Variants in ZKSCAN1 observed in about 807,000 individuals in gnomAD.
The protein encoded by ZKSCAN1 is zinc finger protein with KRAB and SCAN domains 1.
In ZKSCAN1, 14 loss-of-function variants were observed where a neutral mutation model predicts 51.6. That is an observed-to-expected ratio of 0.27 (90% confidence interval 0.18 to 0.42). The LOEUF (loss-of-function observed/expected upper bound fraction) is 0.42. Ranked by LOEUF, ZKSCAN1 falls within the 10% of genes least tolerant of loss-of-function variation. The probability of loss-of-function intolerance (pLI) is 1.00; values close to 1 mark genes in which losing one functional copy is unlikely to be tolerated. For synonymous variants in ZKSCAN1, 263 were observed against 261.5 expected (o/e 1.01, Z -0.06); for missense variants, 531 against 710.0 (o/e 0.75, Z 2.86).
intron 4 of ZKSCAN1, 36 bp downstream of exon 4, chr7:100,029,988 G>A: frequency 3.1e-6 from 5 of 1,606,380 alleles, no homozygotes; most frequent in Non-Finnish European, 4.3e-6. Flanking sequence ...TGAGTCCTCA[G>A]TGTCTGCCTC....
At chr7:100,028,628 A>G (rs977312546) in intron 3 of ZKSCAN1, among the ~76,000 whole-genome samples, 7 of 152,152 alleles carry the variant, frequency 4.6e-5, no homozygotes, top group Non-Finnish European at 8.8e-5. Flanking sequence ...TCCAAATCTA[A>G]TAGTACTTGG....
intron 1 of ZKSCAN1, among the ~76,000 whole-genome samples, chr7:100,018,953 G>A (rs540992476): frequency 2.5e-4 from 38 of 152,282 alleles, no homozygotes; most frequent in African/African-American, 5.8e-4. Flanking sequence ...TCGCATCTTC[G>A]CACTGACCCA....
At chr7:100,016,054 C>G (rs1241778336) in intron 1 of ZKSCAN1, among the ~76,000 whole-genome samples, 2 of 152,178 alleles carry the variant, frequency 1.3e-5, no homozygotes, top group Admixed American at 1.3e-4. Flanking sequence ...CAAACGGGGT[C>G]GCGAGCGAAC....
chr7:100,029,962 G>A lies in ZKSCAN1; in HGVS notation c.672+10G>A, dbSNP rs779710542. On this transcript the variant is annotated intron_variant, in intron 4 of 5. Coordinates refer to ENST00000324306, the MANE Select transcript of ZKSCAN1 (RefSeq NM_003439.4). ...CACAGCGGATTCCCAGGTGAGCTGT[G>A]GCCCCTCTGCTCTCCTGAGTCCTCA... The A allele has an allele frequency of 3.7e-6, 6 of 1,613,930 alleles. No individual in the cohort carries two copies. Among genetic ancestry groups the A allele is most frequent in the South Asian group, 1.1e-5 (1 of 91,068 alleles).
Position 100,040,001 on chromosome 7 carries a change from G to C in ZKSCAN1, c.*5804G>C. On this transcript the variant is annotated 3_prime_UTR_variant, in exon 6 of 6. Coordinates refer to ENST00000324306, the MANE Select transcript of ZKSCAN1 (RefSeq NM_003439.4). ...TAGATTTAGGGTTTTTTTTTTTAGA[G>C]TGGACACACTACATTTAAAAGCAAT... 1.1e-6 allele frequency: 1 copy of C among 888,578 alleles called. No homozygotes were observed. Among genetic ancestry groups the C allele is most frequent in the Non-Finnish European group, 1.3e-6 (1 of 742,828 alleles). The allele number at this position is 888,578 out of a possible 1,614,324, so 55.0% of individuals were successfully genotyped here.
chr7:100,044,388 C>T (rs1296338833), downstream of ZKSCAN1, among the ~76,000 whole-genome samples: 2 of 151,992 alleles, frequency 1.3e-5, no homozygotes, highest in Non-Finnish European at 2.9e-5. Flanking sequence ...TAGCACTGAG[C>T]CGGGCATGGT....
Position 100,020,734 on chromosome 7 carries a change from G to A in ZKSCAN1, c.-88-2685G>A, listed in dbSNP as rs1370549527. Among the ~76,000 whole-genome samples, 5 of 152,266 alleles carry A rather than the reference G, an allele frequency of 3.3e-5. No individual in the cohort carries two copies. In the East Asian group the frequency reaches 9.6e-4, roughly 29 times the overall value. ...CACCAAAATTAAGAATATGTTTAGT[G>A]AGAGCCATAAAACTAAAAATGCTTT... On this transcript the variant is annotated intron_variant, in intron 1 of 5. Transcript: ENST00000324306.
Position 100,037,180 on chromosome 7 carries a change from C to G in ZKSCAN1, c.*2983C>G. ...ACATCTAATTGGCGTTCAAGATAGT[C>G]ATTCAAAAGTTCTTGGCCCGCTGAA... On this transcript the variant is annotated 3_prime_UTR_variant, in exon 6 of 6. Coordinates refer to ENST00000324306, the MANE Select transcript of ZKSCAN1 (RefSeq NM_003439.4). 1.0e-6 allele frequency: 1 copy of G among 985,452 alleles called. No individual in the cohort carries two copies. Among genetic ancestry groups the G allele is most frequent in the Non-Finnish European group, 1.2e-6 (1 of 829,936 alleles). The allele number at this position is 985,452 out of a possible 1,614,324, so 61.0% of individuals were successfully genotyped here.
chr7:100,024,578 C>G, intron 3 of ZKSCAN1: 1 of 375,676 alleles, frequency 2.7e-6, no homozygotes, highest in Non-Finnish European at 4.9e-6. Context: ...GGCAACACAG[C>G]AAGGACCCTG....
chr7:100,024,926 A>G (rs1790757662), intron 3 of ZKSCAN1: 1 of 137,318 alleles, frequency 7.3e-6, no homozygotes, highest in Non-Finnish European at 1.6e-5. Flanking sequence ...AAAAGAATTA[A>G]TTAAAAATTT....
At chr7:100,027,503 C>T (rs190426408) in intron 3 of ZKSCAN1, among the ~76,000 whole-genome samples, 61 of 151,628 alleles carry the variant, frequency 4.0e-4, no homozygotes, top group Non-Finnish European at 4.9e-4. Flanking sequence ...GTAATTCCAG[C>T]ACTTTGGGAA....
Position 100,034,343 on chromosome 7 carries a change from GTGTT to G in ZKSCAN1, c.*147_*150del. The G allele has an allele frequency of 7.0e-7, 1 of 1,428,836 alleles. No homozygotes were observed. The highest frequency in any genetic ancestry group is 9.1e-7 in the Non-Finnish European group (1 of 1,100,556). 88.5% of individuals were successfully genotyped at this position (1,428,836 alleles called of 1,614,324 possible). A position where few individuals can be genotyped will look rare whatever the true frequency, so the allele number is the denominator to read the frequency against. ...AAGGATCCTTCTAGTCACATCAGCAGTGTTCTGCCTTTATGTAGTAGTTGGGCAT... is the reference window on the plus strand; with the variant it reads ...AAGGATCCTTCTAGTCACATCAGCAGCTGCCTTTATGTAGTAGTTGGGCAT... On this transcript the variant is annotated 3_prime_UTR_variant, in exon 6 of 6. Coordinates refer to ENST00000324306, the MANE Select transcript of ZKSCAN1 (RefSeq NM_003439.4).
In ZKSCAN1 at chr7:100,040,401, T is replaced by A. The variant is rs922041756; in HGVS notation, c.*6204T>A. On this transcript the variant is annotated 3_prime_UTR_variant, in exon 6 of 6. Transcript: ENST00000324306. ...TTAATTCAAATTGCACAGTAATCAGTAAAGTGAATACGTTTTTAAAATGGA... is the reference window on the plus strand; with the variant it reads ...TTAATTCAAATTGCACAGTAATCAGAAAAGTGAATACGTTTTTAAAATGGA... 8.5e-5 allele frequency: 84 copies of A among 985,328 alleles called. No homozygotes were observed. Among genetic ancestry groups the A allele is most frequent in the Non-Finnish European group, 9.8e-5 (81 of 829,942 alleles). 61.0% of individuals were successfully genotyped at this position (985,328 alleles called of 1,614,324 possible).
Position 100,039,598 on chromosome 7 carries a change from T to G in ZKSCAN1, c.*5401T>G, listed in dbSNP as rs1393754247. The G allele has an allele frequency of 1.4e-5, 14 of 985,318 alleles. No homozygotes were observed. The highest frequency in any genetic ancestry group is 1.7e-5 in the African/African-American group (1 of 57,228). The allele number at this position is 985,318 out of a possible 1,614,324, so 61.0% of individuals were successfully genotyped here. ...TTATCCTAGAGTCAGTCACTTTTATTCCAGGTAGTCATGCTGATCTGCTTA... is the reference window on the plus strand; with the variant it reads ...TTATCCTAGAGTCAGTCACTTTTATGCCAGGTAGTCATGCTGATCTGCTTA... On this transcript the variant is annotated 3_prime_UTR_variant, in exon 6 of 6. Coordinates refer to ENST00000324306, the MANE Select transcript of ZKSCAN1 (RefSeq NM_003439.4).
At chr7:100,021,069 G>C (rs900254580) in intron 1 of ZKSCAN1, among the ~76,000 whole-genome samples, 1 of 140,368 alleles carries the variant, frequency 7.1e-6, no homozygotes, top group African/African-American at 2.6e-5. Context: ...TCATTTGAAA[G>C]ATTTTTAAAC....
chr7:100,038,477 G>T lies in ZKSCAN1; in HGVS notation c.*4280G>T. On this transcript the variant is annotated 3_prime_UTR_variant, in exon 6 of 6. Transcript: ENST00000324306. ...CTGAAATGGAACAACTCCTTTAAAC[G>T]TGCAGCCTTTTGAATTTTTCCTCAA... is the stretch of plus-strand genomic sequence containing the variant. 7.1e-6 allele frequency: 7 copies of T among 985,394 alleles called. No homozygotes were observed. Among genetic ancestry groups the T allele is most frequent in the Non-Finnish European group, 8.4e-6 (7 of 829,932 alleles). The allele number at this position is 985,394 out of a possible 1,614,324, so 61.0% of individuals were successfully genotyped here. A position where few individuals can be genotyped will look rare whatever the true frequency, so the allele number is the denominator to read the frequency against.
intron 1 of ZKSCAN1, among the ~76,000 whole-genome samples, chr7:100,020,776 G>A (rs1040142907): frequency 2.6e-5 from 4 of 152,124 alleles, no homozygotes; most frequent in Admixed American, 6.6e-5. Context: ...TTTAAAACTC[G>A]GTTTAACCCA....
At chr7:100,030,502 A>G in intron 5 of ZKSCAN1, 127 bp downstream of exon 5, 3 of 1,148,710 alleles carry the variant, frequency 2.6e-6, no homozygotes, top group East Asian at 2.6e-5. Context: ...TTTGTAGACC[A>G]GATGGAAAGT....
Position 100,034,426 on chromosome 7 carries a change from C to G in ZKSCAN1, c.*229C>G. ...AAAGGCTAATCTTACGGATAATCCA[C>G]GTGAGATTTCCACACAAGAGAAAAG... On this transcript the variant is annotated 3_prime_UTR_variant, in exon 6 of 6. Coordinates refer to ENST00000324306, the MANE Select transcript of ZKSCAN1 (RefSeq NM_003439.4). 2 of 1,257,792 alleles carry G rather than the reference C, an allele frequency of 1.6e-6. No individual in the cohort carries two copies. The highest frequency in any genetic ancestry group is 2.0e-6 in the Non-Finnish European group (2 of 1,002,540). The allele number at this position is 1,257,792 out of a possible 1,614,324, so 77.9% of individuals were successfully genotyped here. A position where few individuals can be genotyped will look rare whatever the true frequency, so the allele number is the denominator to read the frequency against.
Sources: gnomAD v4.1 joint callset for allele counts (sites outside exome capture counted in the v4.1 genomes callset) on GRCh38, gnomAD v4.1.1 for gene constraint, MANE v1.5 for transcripts, NCBI Gene and HGNC (gene_info 2026-07-23, HGNC 2026-07-21) for gene names.